EPM2A: variants seen among roughly 807,000 people sequenced by gnomAD.
EPM2A encodes the protein laforin.
Under a neutral mutation model 26.5 loss-of-function variants are expected in EPM2A, and 21 were observed. The ratio of observed to expected loss-of-function variants is 0.79; its 90% CI spans 0.56 to 1.14. EPM2A has a LOEUF of 1.14. Ranked by LOEUF, EPM2A falls within the 50% of genes most tolerant of loss-of-function variation. The pLI, the probability that EPM2A is intolerant of heterozygous loss-of-function variation, is 0.00. For missense variants in EPM2A, 458 were observed against 440.8 expected, an observed-to-expected ratio of 1.04 and a Z score of -0.35; for synonymous variants, 217 against 177.6, an observed-to-expected ratio of 1.22 and a Z score of -1.76.
chr6:145,653,130 G>A (rs1778006198), intron 2 of EPM2A, among the ~76,000 whole-genome samples: 1 of 152,118 alleles, frequency 6.6e-6, no homozygotes, highest in African/African-American at 2.4e-5. Context: ...ATATGGTTAG[G>A]CTTTGTGTCC....
At chr6:145,632,834 G>C (rs750514595) in intron 3 of EPM2A, among the ~76,000 whole-genome samples, 2 of 152,224 alleles carry the variant, frequency 1.3e-5, no homozygotes, top group Non-Finnish European at 2.9e-5. Flanking sequence ...CTGCCACTCA[G>C]AAGTGGTTAT....
intron 2 of EPM2A, among the ~76,000 whole-genome samples, chr6:145,578,666 G>A (rs972187475): frequency 6.6e-6 from 1 of 152,250 alleles, no homozygotes. Flanking sequence ...AGGAGGAGAA[G>A]TAAATAGCTA....
At chr6:145,595,013 A>G (rs1781322533) in intron 2 of EPM2A, among the ~76,000 whole-genome samples, 1 of 151,744 alleles carries the variant, frequency 6.6e-6, no homozygotes, top group African/African-American at 2.4e-5. Flanking sequence ...TAAATATTTA[A>G]TTCATGGTAT....
intron 2 of EPM2A, among the ~76,000 whole-genome samples, chr6:145,513,533 C>A (rs373247791): frequency 3.3e-5 from 5 of 152,108 alleles, no homozygotes; most frequent in Non-Finnish European, 7.4e-5. Flanking sequence ...GATCCAGCAA[C>A]CTTACTACTA....
chr6:145,595,452 TTTTAA>T (rs1443131230), intron 2 of EPM2A, among the ~76,000 whole-genome samples: 11 of 150,542 alleles, frequency 7.3e-5, no homozygotes, highest in East Asian at 5.8e-4. Flanking sequence ...TGCTTTATCC[TTTTAA>T]TTTAATCAAA....
chr6:145,680,892 T>A (rs1349979518), intron 2 of EPM2A, among the ~76,000 whole-genome samples: 1 of 151,846 alleles, frequency 6.6e-6, no homozygotes, highest in Non-Finnish European at 1.5e-5. Flanking sequence ...TTTATAGTCC[T>A]TTGGGTATAT....
chr6:145,391,197 C>G (rs1778332450), intron 4 of EPM2A, among the ~76,000 whole-genome samples: 1 of 152,112 alleles, frequency 6.6e-6, no homozygotes, highest in Non-Finnish European at 1.5e-5. Context: ...CACCATTAAG[C>G]TTTCTTTCCT....
chr6:145,592,256 C>T (rs761877580), intron 2 of EPM2A, among the ~76,000 whole-genome samples: 8 of 147,704 alleles, frequency 5.4e-5, no homozygotes, highest in African/African-American at 1.2e-4. Context: ...TGAGAACATG[C>T]GGTGTTTGGT....
intron 2 of EPM2A, among the ~76,000 whole-genome samples, chr6:145,616,863 C>T (rs554049562): frequency 6.6e-6 from 1 of 152,200 alleles, no homozygotes; most frequent in African/African-American, 2.4e-5. Context: ...ATGCCTGCAC[C>T]CCCATTGTAT....
intron 2 of EPM2A, among the ~76,000 whole-genome samples, chr6:145,655,552 T>C (rs1778215870): frequency 6.6e-6 from 1 of 152,154 alleles, no homozygotes. Context: ...AATATGTTTT[T>C]ATATTTACAA....
At chr6:145,624,280 CT>C, downstream of EPM2A, among the ~76,000 whole-genome samples, 1 of 152,206 alleles carries the variant, frequency 6.6e-6, no homozygotes, top group East Asian at 1.9e-4. Context: ...GAATCTCCCC[CT>C]CTGCTTCTAC....
At chr6:145,397,107 C>T (rs143264426) in intron 4 of EPM2A, among the ~76,000 whole-genome samples, 3 of 152,132 alleles carry the variant, frequency 2.0e-5, no homozygotes, top group Admixed American at 1.3e-4. Context: ...GCAGTTCACT[C>T]CCGTGAGAAA....
At chr6:145,620,158 A>T (rs896509886) in intron 2 of EPM2A, among the ~76,000 whole-genome samples, 1 of 152,204 alleles carries the variant, frequency 6.6e-6, no homozygotes, top group Non-Finnish European at 1.5e-5. Flanking sequence ...GTTTTGTGAA[A>T]GACATTTTTT....
chr6:145,391,155 G>A (rs1662925241), intron 4 of EPM2A, among the ~76,000 whole-genome samples: 1 of 152,030 alleles, frequency 6.6e-6, no homozygotes, highest in South Asian at 2.1e-4. Context: ...ACAGGAAGTT[G>A]GACATACCTG....
At chr6:145,431,418 T>C (rs772428779) in intron 4 of EPM2A, among the ~76,000 whole-genome samples, 9 of 152,166 alleles carry the variant, frequency 5.9e-5, no homozygotes, top group Non-Finnish European at 1.0e-4. Context: ...TCAGAGATAC[T>C]GTGAGTTAGG....
chr6:145,489,966 G>T, intron 4 of EPM2A: 1 of 1,380,520 alleles, frequency 7.2e-7, no homozygotes, highest in Non-Finnish European at 1.0e-6. Flanking sequence ...GCACACTCGT[G>T]TGAACAAAGT....
At position 145,735,181 on chromosome 6, in the gene EPM2A, G is replaced by A. The variant is rs982896604; in HGVS notation, c.301+17C>T. On this transcript the variant is annotated intron_variant, in intron 1 of 3. Coordinates refer to ENST00000367519, the MANE Select transcript of EPM2A (RefSeq NM_005670.4). ...AGCTCCCGCTCTGCGCCGGGGGCAGGCGTCTGCTGGCAATACCTTCCCAGG... is the reference window on the plus strand; with the variant it reads ...AGCTCCCGCTCTGCGCCGGGGGCAGACGTCTGCTGGCAATACCTTCCCAGG... The A allele has an allele frequency of 1.3e-6, 2 of 1,481,672 alleles. No individual in the cohort carries two copies. Among genetic ancestry groups the A allele is most frequent in the South Asian group, 2.5e-5 (2 of 79,368 alleles). The allele number at this position is 1,481,672 out of a possible 1,614,324, so 91.8% of individuals were successfully genotyped here.
intron 1 of EPM2A, among the ~76,000 whole-genome samples, chr6:145,691,754 T>C (rs1781294814): frequency 6.6e-6 from 1 of 151,978 alleles, no homozygotes; most frequent in South Asian, 2.1e-4. Flanking sequence ...TATATAGAAA[T>C]TCTATGTGTA....
At chr6:145,556,024 C>A (rs541657360) in intron 2 of EPM2A, among the ~76,000 whole-genome samples, 2 of 152,288 alleles carry the variant, frequency 1.3e-5, no homozygotes, top group Non-Finnish European at 2.9e-5. Flanking sequence ...CATACATAAT[C>A]TATCTCCAGA....
Sources: gnomAD v4.1 joint callset for allele counts (sites outside exome capture counted in the v4.1 genomes callset) on GRCh38, gnomAD v4.1.1 for gene constraint, MANE v1.5 for transcripts, NCBI Gene and HGNC (gene_info 2026-07-23, HGNC 2026-07-21) for gene names.